LMF1: variants seen among roughly 807,000 people sequenced by gnomAD.
LMF1 encodes the protein transmembrane protein 112.
LMF1 carries 68 observed loss-of-function variants against 60.6 expected under a neutral mutation model. The observed-to-expected ratio is 1.12, with a 90% confidence interval of 0.92 to 1.37. The LOEUF (loss-of-function observed/expected upper bound fraction) is 1.37, where lower values mean the gene tolerates loss of function less well. Ranked by LOEUF, LMF1 falls within the 40% of genes most tolerant of loss-of-function variation. The pLI is 0.00. For missense variants in LMF1, 948 were observed against 767.2 expected, an observed-to-expected ratio of 1.24 and a Z score of -2.78; for synonymous variants, 418 against 324.7, an observed-to-expected ratio of 1.29 and a Z score of -3.09.
intron 1 of LMF1, among the ~76,000 whole-genome samples, chr16:955,470 T>TACAC (rs60310299): frequency 7.5e-5 from 4 of 53,588 alleles, no homozygotes; most frequent in East Asian, 1.1e-3. Flanking sequence ...GGTGTGTGCA[T>TACAC]ACACACACAC....
intron 3 of LMF1, among the ~76,000 whole-genome samples, chr16:931,124 A>G (rs2071770362): frequency 6.6e-6 from 1 of 152,184 alleles, no homozygotes; most frequent in East Asian, 1.9e-4. Context: ...CCATCTCAAA[A>G]AAAAAAAAGG....
chr16:859,035 G>GCAGTGGTGTCACGGGACGCGTGTGC lies in LMF1; in HGVS notation c.1530-4330_1530-4329insGCACACGCGTCCCGTGACACCACTG, dbSNP rs759328753. On this transcript the variant is annotated intron_variant, in intron 10 of 10. Transcript: ENST00000262301. The stretch of plus-strand genomic sequence containing the variant: ...TGCAGTGGTGTCACGGGACGGGTGT[G>GCAGTGGTGTCACGGGACGCGTGTGC]AGTGATGTCACGGGACGGGTGTGAG... Among the ~76,000 whole-genome samples, 62 of 30,768 alleles carry GCAGTGGTGTCACGGGACGCGTGTGC rather than the reference G, an allele frequency of 2.0e-3. 14 individuals are homozygous for GCAGTGGTGTCACGGGACGCGTGTGC. The highest frequency in any genetic ancestry group is 0.022 in the Middle Eastern group (1 of 46). The allele number at this position is 30,768 out of a possible 152,430, so 20.2% of individuals were successfully genotyped here.
intron 1 of LMF1, among the ~76,000 whole-genome samples, chr16:967,191 T>C (rs903577601): frequency 3.3e-5 from 5 of 152,050 alleles, no homozygotes; most frequent in Non-Finnish European, 5.9e-5. Flanking sequence ...CCAGGCCCCC[T>C]GGGAGGGGGA....
chr16:871,536 C>T, intron 6 of LMF1, 195 bp from the exon 7 acceptor site: 1 of 604,674 alleles, frequency 1.7e-6, no homozygotes, highest in East Asian at 2.8e-5. Flanking sequence ...CTCAGAGGTG[C>T]CTTCCGGCAG....
At chr16:931,478 C>T (rs527880043) in intron 3 of LMF1, among the ~76,000 whole-genome samples, 4 of 152,360 alleles carry the variant, frequency 2.6e-5, no homozygotes, top group South Asian at 2.1e-4. Flanking sequence ...CAGACGCACA[C>T]GCGGCTCGGA....
rs770344920 is a variant in LMF1, at chr16:870,784, T to G, written c.1177A>C (p.Met393Leu). 3.4e-5 allele frequency: 55 copies of G among 1,612,882 alleles called. No individual in the cohort carries two copies. In the Admixed American group the frequency reaches 8.8e-4, roughly 26 times the overall value. Residue 393 changes from methionine to leucine, a missense_variant, in exon 8 of 11, where the codon ATG becomes CTG. Coordinates refer to ENST00000262301, the MANE Select transcript of LMF1 (RefSeq NM_022773.4). Reference sequence around the variant, plus strand: ...TGAAGAGAGTTGAAGTGGGTGTTCATGACCTGCCTGGAGCTCAGCAAGTTG... The same window carrying G: ...TGAAGAGAGTTGAAGTGGGTGTTCAGGACCTGCCTGGAGCTCAGCAAGTTG... ...VLNLLSSRQV[M>L]NTHFNSLHIV...
chr16:859,840 T>G (rs1405673971), intron 10 of LMF1, among the ~76,000 whole-genome samples: 2 of 115,284 alleles, frequency 1.7e-5, no homozygotes, highest in African/African-American at 3.7e-5. Context: ...TGGGTGTGAG[T>G]GGTGTCACGG....
chr16:892,502 GC>G (rs2070519716), intron 5 of LMF1, among the ~76,000 whole-genome samples: 1 of 152,260 alleles, frequency 6.6e-6, no homozygotes, highest in Non-Finnish European at 1.5e-5. Flanking sequence ...AGGAACTGGG[GC>G]GTCTGAAGGG....
chr16:858,497 G>A (rs1333795653), intron 10 of LMF1, among the ~76,000 whole-genome samples: 1 of 37,710 alleles, frequency 2.7e-5, no homozygotes, highest in Non-Finnish European at 4.3e-5. Flanking sequence ...ACGGGTGTGC[G>A]TGGTGTCTCG....
chr16:938,390 G>T (rs1342676393), intron 2 of LMF1, among the ~76,000 whole-genome samples: 1 of 151,784 alleles, frequency 6.6e-6, no homozygotes. Flanking sequence ...GATGGGGCTG[G>T]ACGGCGGCTC....
intron 1 of LMF1, among the ~76,000 whole-genome samples, chr16:978,764 T>G (rs1251508624): frequency 6.6e-6 from 1 of 150,522 alleles, no homozygotes; most frequent in African/African-American, 2.5e-5. Flanking sequence ...GGGAGGAGGG[T>G]GTGTGTGCAG....
intron 5 of LMF1, chr16:884,297 T>C (rs188235424): frequency 1.8e-4 from 27 of 152,310 alleles, no homozygotes; most frequent in African/African-American, 5.3e-4. Flanking sequence ...CATAATCGAA[T>C]ATTGCTTAAA....
rs778522733 is a variant in LMF1, at chr16:879,604, CA to C, written c.862del (p.Cys288AlafsTer24). 5 of 1,613,124 alleles carry C rather than the reference CA, an allele frequency of 3.1e-6. No individual in the cohort carries two copies. In the Admixed American group the frequency reaches 6.7e-5, roughly 22 times the overall value. ...GATCTGCAGCACCCCGTGGATGATGCACGCCCGCCGGCCGAGGAAGAGGAAG... is the reference window on the plus strand; with the variant it reads ...GATCTGCAGCACCCCGTGGATGATGCCGCCCGCCGGCCGAGGAAGAGGAAG... ...PFFLFLGRRA[C>X]IIHGVLQILF... On this transcript the variant is annotated frameshift_variant, in exon 6 of 11. Transcript: ENST00000262301. LOFTEE classifies it high-confidence loss of function.
intron 3 of LMF1, among the ~76,000 whole-genome samples, chr16:922,914 C>A (rs1342218719): frequency 9.3e-6 from 1 of 107,288 alleles, no homozygotes; most frequent in Non-Finnish European, 1.7e-5. Context: ...TGAAAGTCGC[C>A]GGGGTTTTCG....
chr16:861,539 T>TA (rs1259266963), intron 10 of LMF1, among the ~76,000 whole-genome samples: 3 of 151,910 alleles, frequency 2.0e-5, no homozygotes, highest in Non-Finnish European at 4.4e-5. Flanking sequence ...AATTTTTTTT[T>TA]AGTAGAGACA....
At chr16:928,723 CCCCACACCCCCACGGGCCCAT>C (rs2071683329) in intron 3 of LMF1, among the ~76,000 whole-genome samples, 1 of 151,416 alleles carries the variant, frequency 6.6e-6, no homozygotes, top group East Asian at 2.0e-4. Context: ...CACGGGCCCA[CCCCACACCCCCACGGGCCCAT>C]CCCCACGCCC....
chr16:917,286 G>A (rs776976516), intron 3 of LMF1, among the ~76,000 whole-genome samples: 25 of 151,650 alleles, frequency 1.6e-4, no homozygotes, highest in Admixed American at 7.9e-4. Flanking sequence ...AATGCCACAC[G>A]TGTGCACTGC....
upstream of LMF1, among the ~76,000 whole-genome samples, chr16:971,711 T>C (rs143146365): frequency 5.9e-3 from 902 of 152,264 alleles, 11 homozygotes; most frequent in African/African-American, 0.021. Context: ...AGCGGGGTTC[T>C]GGAGGCTGAT....
upstream of LMF1, among the ~76,000 whole-genome samples, chr16:972,164 C>T (rs922547273): frequency 6.6e-6 from 1 of 152,214 alleles, no homozygotes; most frequent in African/African-American, 2.4e-5. Flanking sequence ...GCCCGAGCTT[C>T]CTCTCAGCCT....
Sources: gnomAD v4.1 joint callset for allele counts (sites outside exome capture counted in the v4.1 genomes callset) on GRCh38, gnomAD v4.1.1 for gene constraint, MANE v1.5 for transcripts, NCBI Gene and HGNC (gene_info 2026-07-23, HGNC 2026-07-21) for gene names.